Variants in FAM13B observed in about 807,000 individuals in gnomAD.
FAM13B encodes the protein protein FAM13B.
Under a neutral mutation model 117.3 loss-of-function variants are expected in FAM13B, and 60 were observed. The observed-to-expected ratio is 0.51, with a 90% CI of 0.42 to 0.63. The LOEUF (loss-of-function observed/expected upper bound fraction) is 0.63. Among genes scored for constraint, FAM13B ranks in the 30% least tolerant of loss-of-function variants. FAM13B has a pLI of 0.00. For missense variants in FAM13B, 972 were observed against 1,091.9 expected (o/e 0.89, Z 1.55); for synonymous variants, 332 against 356.1 (o/e 0.93, Z 0.76).
intron 6 of FAM13B, among the ~76,000 whole-genome samples, chr5:138,009,457 C>T (rs1783393976): frequency 2.0e-5 from 3 of 151,114 alleles, no homozygotes; most frequent in African/African-American, 4.9e-5. Context: ...ACTTAATATC[C>T]ATCTGGTAAT....
intron 4 of FAM13B, among the ~76,000 whole-genome samples, chr5:138,013,539 C>T (rs1410934085): frequency 6.6e-6 from 1 of 151,832 alleles, no homozygotes; most frequent in Non-Finnish European, 1.5e-5. Flanking sequence ...TCAGGAAAGG[C>T]TACAGTCACA....
At chr5:137,950,790 G>C (rs904276039) in intron 17 of FAM13B, among the ~76,000 whole-genome samples, 1 of 152,154 alleles carries the variant, frequency 6.6e-6, no homozygotes, top group African/African-American at 2.4e-5. Flanking sequence ...CAATTTAATG[G>C]TATCAACTAC....
chr5:138,046,206 C>T (rs915977890), intron 1 of FAM13B, among the ~76,000 whole-genome samples: 3 of 152,166 alleles, frequency 2.0e-5, no homozygotes, highest in Non-Finnish European at 4.4e-5. Flanking sequence ...CTCCTTCCTT[C>T]AACCATGATT....
At chr5:137,997,401 G>A (rs1040532692) in intron 7 of FAM13B, among the ~76,000 whole-genome samples, 5 of 152,056 alleles carry the variant, frequency 3.3e-5, no homozygotes, top group South Asian at 2.1e-4. Context: ...CCCGGGAGGC[G>A]GAGGTTGCGG....
intron 1 of FAM13B, among the ~76,000 whole-genome samples, chr5:138,024,860 AGTTTGTTTTTTTT>A (rs1787845201): frequency 1.4e-5 from 2 of 145,684 alleles, no homozygotes; most frequent in Non-Finnish European, 1.5e-5. Flanking sequence ...GAGTTTTTTG[AGTTTGTTTTTTTT>A]GTTTGTTTTT....
chr5:138,032,300 G>C (rs1334165761), intron 1 of FAM13B, among the ~76,000 whole-genome samples: 1 of 152,182 alleles, frequency 6.6e-6, no homozygotes, highest in East Asian at 1.9e-4. Flanking sequence ...AGCGATTTAA[G>C]GAAGTCCGCA....
chr5:137,952,471 C>T (rs1765302361), intron 17 of FAM13B, among the ~76,000 whole-genome samples, 157 bp downstream of exon 17: 2 of 152,060 alleles, frequency 1.3e-5, no homozygotes, highest in South Asian at 4.2e-4. Flanking sequence ...CTACAGTATG[C>T]AATTTTGACC....
chr5:138,030,722 C>CA (rs1202168169), intron 1 of FAM13B, among the ~76,000 whole-genome samples: 2,559 of 131,878 alleles, frequency 0.019, 98 homozygotes, highest in African/African-American at 0.065. Context: ...CCCCCCCCCC[C>CA]AAAAAAAAAA....
In FAM13B at chr5:138,011,857, C is replaced by T; in HGVS notation, c.459G>A (p.Leu153=). 2 of 1,605,008 alleles carry T rather than the reference C, an allele frequency of 1.2e-6. No individual in the cohort carries two copies. The highest frequency in any genetic ancestry group is 1.3e-5 in the African/African-American group (1 of 74,208). The change falls in exon 5 of 24, where the codon CTG becomes CTA. Residue 153 remains leucine, a synonymous_variant. Coordinates refer to ENST00000689681, the MANE Select transcript of FAM13B (RefSeq NM_001385994.1). The part of the protein sequence containing the change: ...PPVNYSLLKF[L]CRFLANVASH... ...ATGCTACATTGGCTAAAAATCTACA[C>T]AGAAACTTTAACAAACTATAATTAA...
upstream of FAM13B, chr5:138,036,135 GC>G: frequency 2.9e-6 from 1 of 339,194 alleles, no homozygotes; most frequent in South Asian, 2.3e-5. Context: ...CCTAGGGGGT[GC>G]CATTCACATC....
intron 10 of FAM13B, 62 bp from the exon 11 acceptor site, chr5:137,962,531 C>A: frequency 6.8e-7 from 1 of 1,475,808 alleles, no homozygotes; most frequent in Non-Finnish European, 9.3e-7. Context: ...AGAGAAGTTG[C>A]CAATCTAAAT....
At chr5:137,951,226 A>G (rs2150198742) in intron 17 of FAM13B, among the ~76,000 whole-genome samples, 1 of 151,072 alleles carries the variant, frequency 6.6e-6, no homozygotes, top group South Asian at 2.1e-4. Flanking sequence ...AAAAAAAAAA[A>G]AAAAAAAGGA....
In FAM13B at chr5:137,948,985, A is replaced by C; in HGVS notation, c.2130T>G (p.Arg710=). 1 of 1,613,712 alleles carries C rather than the reference A, an allele frequency of 6.2e-7. No individual in the cohort carries two copies. Among genetic ancestry groups the C allele is most frequent in the Non-Finnish European group, 8.5e-7 (1 of 1,179,952 alleles). ...ELILKRLKEK[R]IERCLPEDIK... ...TATCTTCTGGAAGACACCTCTCAATACGTTTTTCTTTCAGTCTTTTAAGAA... is the reference window on the plus strand; with the variant it reads ...TATCTTCTGGAAGACACCTCTCAATCCGTTTTTCTTTCAGTCTTTTAAGAA... The change falls in exon 18 of 24, where the codon CGT becomes CGG. Residue 710 remains arginine (R), a synonymous_variant. Transcript: ENST00000689681.
intron 7 of FAM13B, among the ~76,000 whole-genome samples, chr5:138,002,005 G>A (rs1165260784): frequency 6.6e-6 from 1 of 152,142 alleles, no homozygotes; most frequent in Non-Finnish European, 1.5e-5. Flanking sequence ...GGCCATTTAA[G>A]AATTTTGGCT....
upstream of FAM13B, chr5:138,033,169 C>T (rs1187888022): frequency 1.9e-6 from 1 of 520,834 alleles, no homozygotes; most frequent in Non-Finnish European, 2.5e-6. Context: ...TCCCCACCCC[C>T]ACAGCATTCC....
At chr5:137,952,919 T>C (rs967347158) in intron 16 of FAM13B, among the ~76,000 whole-genome samples, 3 of 152,204 alleles carry the variant, frequency 2.0e-5, no homozygotes, top group East Asian at 1.9e-4. Flanking sequence ...ATGGGTCTTC[T>C]GACTCCAAGT....
intron 3 of FAM13B, among the ~76,000 whole-genome samples, 176 bp from the exon 4 acceptor site, chr5:138,018,690 G>A (rs1377536330): frequency 6.6e-6 from 1 of 151,942 alleles, no homozygotes; most frequent in Non-Finnish European, 1.5e-5. Context: ...TCTGTTCTAA[G>A]GGATATTCTA....
At chr5:137,970,463 C>CTAA (rs1186038393) in intron 10 of FAM13B, among the ~76,000 whole-genome samples, 12 of 151,924 alleles carry the variant, frequency 7.9e-5, no homozygotes, top group Admixed American at 7.2e-4. Context: ...GAAGGAAGCG[C>CTAA]TAAACATGGA....
chr5:138,046,995 C>T (rs1261401564), intron 1 of FAM13B, among the ~76,000 whole-genome samples: 3 of 151,958 alleles, frequency 2.0e-5, no homozygotes, highest in South Asian at 2.1e-4. Context: ...CCACCTGCCT[C>T]GGCCTCCCAA....
Sources: allele counts gnomAD v4.1 joint callset (sites outside exome capture counted in the v4.1 genomes callset), GRCh38; gene constraint gnomAD v4.1.1; transcripts MANE v1.5; gene names NCBI Gene and HGNC (gene_info 2026-07-23, HGNC 2026-07-21).